PDGFD: variants seen among roughly 807,000 people sequenced by gnomAD.
PDGFD encodes the protein platelet derived growth factor D, also known as platelet-derived growth factor D.
In PDGFD, 30 loss-of-function variants were observed where a neutral mutation model predicts 44.7. The observed-to-expected ratio is 0.67, with a 90% CI of 0.50 to 0.91. The LOEUF (loss-of-function observed/expected upper bound fraction) is 0.91, where lower values mean the gene tolerates loss of function less well. Ranked by LOEUF, PDGFD falls within the 40% of genes least tolerant of loss-of-function variation. The pLI is 0.00. For synonymous variants in PDGFD, 173 were observed against 168.4 expected (o/e 1.03, Z -0.21); for missense variants, 445 against 457.8 (o/e 0.97, Z 0.25).
intron 5 of PDGFD, among the ~76,000 whole-genome samples, chr11:103,938,883 C>A (rs1353157643): frequency 6.6e-6 from 1 of 152,122 alleles, no homozygotes; most frequent in Middle Eastern, 3.2e-3. Flanking sequence ...GGCATTATTT[C>A]TGAGGGCTCT....
chr11:104,042,073 G>A (rs2134399805), intron 1 of PDGFD, among the ~76,000 whole-genome samples: 1 of 152,182 alleles, frequency 6.6e-6, no homozygotes, highest in Non-Finnish European at 1.5e-5. Flanking sequence ...CAAAAGCCTG[G>A]AAAACAAAGA....
chr11:103,999,796 AC>A (rs1859591845), intron 2 of PDGFD, among the ~76,000 whole-genome samples: 1 of 152,000 alleles, frequency 6.6e-6, no homozygotes, highest in Non-Finnish European at 1.5e-5. Flanking sequence ...TCCAGATTTC[AC>A]CCTTCTTTGG....
At chr11:103,955,634 A>G (rs1379153826) in intron 3 of PDGFD, among the ~76,000 whole-genome samples, 1 of 152,228 alleles carries the variant, frequency 6.6e-6, no homozygotes, top group Non-Finnish European at 1.5e-5. Context: ...AGAATATTTA[A>G]TACAAGGATA....
chr11:104,056,700 T>A (rs538265386), intron 1 of PDGFD, among the ~76,000 whole-genome samples: 1 of 152,312 alleles, frequency 6.6e-6, no homozygotes, highest in South Asian at 2.1e-4. Context: ...TATCAAAAAT[T>A]ACATTTTAAG....
At chr11:103,997,711 T>C (rs75276342) in intron 2 of PDGFD, among the ~76,000 whole-genome samples, 8,226 of 152,280 alleles carry the variant, frequency 0.054, 349 homozygotes, top group African/African-American at 0.12. Flanking sequence ...TTGTATACAA[T>C]ACATGTAAAT....
At chr11:103,927,926 T>A (rs1858343601) in intron 5 of PDGFD, among the ~76,000 whole-genome samples, 1 of 152,242 alleles carries the variant, frequency 6.6e-6, no homozygotes, top group South Asian at 2.1e-4. Context: ...TTCTTACTAA[T>A]CTTGATTCAT....
At chr11:103,911,719 C>A (rs1591071985) in intron 6 of PDGFD, among the ~76,000 whole-genome samples, 1 of 151,990 alleles carries the variant, frequency 6.6e-6, no homozygotes, top group Non-Finnish European at 1.5e-5. Flanking sequence ...TGCAAGGAAG[C>A]TAAGAACCTT....
At chr11:104,123,136 T>C (rs534301720) in intron 1 of PDGFD, among the ~76,000 whole-genome samples, 1 of 152,166 alleles carries the variant, frequency 6.6e-6, no homozygotes, top group African/African-American at 2.4e-5. Context: ...AATCCACTTC[T>C]GTTTCAAAAA....
chr11:103,940,118 C>T (rs951578000), intron 5 of PDGFD, among the ~76,000 whole-genome samples: 1 of 152,052 alleles, frequency 6.6e-6, no homozygotes, highest in Non-Finnish European at 1.5e-5. Context: ...ATTTTCAACT[C>T]TTCTTGAAGA....
Position 104,163,966 on chromosome 11 carries a change from A to G in PDGFD, c.-39T>C. 1 of 1,496,592 alleles carries G rather than the reference A, an allele frequency of 6.7e-7. No individual in the cohort carries two copies. Among genetic ancestry groups the G allele is most frequent in the Non-Finnish European group, 9.0e-7 (1 of 1,107,448 alleles). 92.7% of individuals were successfully genotyped at this position (1,496,592 alleles called of 1,614,324 possible). On this transcript the variant is annotated 5_prime_UTR_variant, in exon 1 of 7. Transcript: ENST00000393158. ...CTAGAGACAGCGTCGCTCCAAGAAA[A>G]AGCCGGGTTCTGCTCCCGGGACCGA...
chr11:104,139,229 G>T (rs917609059), intron 1 of PDGFD, among the ~76,000 whole-genome samples: 3 of 152,100 alleles, frequency 2.0e-5, no homozygotes, highest in African/African-American at 7.2e-5. Flanking sequence ...AAGAAAGCTG[G>T]TAAGGAATTG....
At chr11:103,911,382 C>T (rs1382599624) in intron 6 of PDGFD, among the ~76,000 whole-genome samples, 3 of 152,020 alleles carry the variant, frequency 2.0e-5, no homozygotes, top group African/African-American at 4.8e-5. Flanking sequence ...TGCAGCAGAG[C>T]GGCCTGACTG....
chr11:104,006,601 C>T (rs995337113), intron 1 of PDGFD, among the ~76,000 whole-genome samples: 2 of 152,066 alleles, frequency 1.3e-5, no homozygotes, highest in African/African-American at 2.4e-5. Flanking sequence ...CTATCCTGTA[C>T]CCATAATAAC....
intron 3 of PDGFD, among the ~76,000 whole-genome samples, chr11:103,980,717 A>G (rs879373579): frequency 2.6e-5 from 4 of 152,128 alleles, no homozygotes; most frequent in Admixed American, 6.6e-5. Context: ...CACAGTATGT[A>G]GAGGTAGGGC....
intron 1 of PDGFD, among the ~76,000 whole-genome samples, chr11:104,022,510 AC>A (rs1312854206): frequency 6.6e-6 from 1 of 151,950 alleles, no homozygotes. Context: ...AATAGATTTT[AC>A]CCCCCTCCAA....
intron 3 of PDGFD, among the ~76,000 whole-genome samples, chr11:103,959,367 C>G (rs565032522): frequency 6.6e-5 from 10 of 152,248 alleles, no homozygotes; most frequent in Admixed American, 2.0e-4. Flanking sequence ...TTTTCTTGAC[C>G]TGACTTCTTT....
At chr11:104,041,641 T>C (rs1437838735) in intron 1 of PDGFD, among the ~76,000 whole-genome samples, 1 of 152,162 alleles carries the variant, frequency 6.6e-6, no homozygotes, top group Non-Finnish European at 1.5e-5. Flanking sequence ...CCATCTTACC[T>C]ACAAGAAAAT....
At chr11:103,924,327 C>G (rs930401563) in intron 6 of PDGFD, among the ~76,000 whole-genome samples, 3 of 152,204 alleles carry the variant, frequency 2.0e-5, no homozygotes, top group Admixed American at 2.0e-4. Flanking sequence ...TTACTGCATT[C>G]TGCATTTATC....
rs996897662 is a variant in PDGFD, at chr11:103,916,220, A to G, written c.988-6401T>C. Among the ~76,000 whole-genome samples, 6 of 152,348 alleles carry G rather than the reference A, an allele frequency of 3.9e-5. No individual in the cohort carries two copies. In the East Asian group the frequency reaches 1.2e-3, roughly 29 times the overall value. ...TGACAAAGGCTAATATCCAGAATCTACGAAGAACTTAAACAAATTTACAAG... is the reference window on the plus strand; with the variant it reads ...TGACAAAGGCTAATATCCAGAATCTGCGAAGAACTTAAACAAATTTACAAG... On this transcript the variant is annotated intron_variant, in intron 6 of 6. Transcript: ENST00000393158.
Sources: allele counts gnomAD v4.1 joint callset (sites outside exome capture counted in the v4.1 genomes callset), GRCh38; gene constraint gnomAD v4.1.1; transcripts MANE v1.5; gene names NCBI Gene and HGNC (gene_info 2026-07-23, HGNC 2026-07-21).